Variants in PALM2AKAP2 observed in about 807,000 individuals in gnomAD.
The protein encoded by PALM2AKAP2 is PALM2 and AKAP2 fusion, also known as PALM2-AKAP2 fusion protein.
PALM2AKAP2 carries 37 observed loss-of-function variants against 71.5 expected under a neutral mutation model. The observed-to-expected ratio is 0.52, with a 90% CI of 0.40 to 0.68. The LOEUF is 0.68. PALM2AKAP2 is among the 30% of genes least tolerant of loss of function. The pLI, the probability that PALM2AKAP2 is intolerant of heterozygous loss-of-function variation, is 0.00. For synonymous variants in PALM2AKAP2, 468 were observed against 478.8 expected, an observed-to-expected ratio of 0.98 and a Z score of 0.29; for missense variants, 1,224 against 1,191.8, an observed-to-expected ratio of 1.03 and a Z score of -0.40.
At chr9:109,845,751 A>G (rs1198514402) in intron 1 of PALM2AKAP2, among the ~76,000 whole-genome samples, 1 of 152,148 alleles carries the variant, frequency 6.6e-6, no homozygotes, top group Admixed American at 6.6e-5. Context: ...GGGTCTTGCT[A>G]TGTTATCCAG....
At chr9:109,997,786 C>T (rs1005721464) in intron 6 of PALM2AKAP2, among the ~76,000 whole-genome samples, 2 of 152,138 alleles carry the variant, frequency 1.3e-5, no homozygotes, top group Non-Finnish European at 2.9e-5. Flanking sequence ...AGAGCCACCA[C>T]CTGGAGTGGG....
chr9:109,780,585 G>A (rs781448356), intron 1 of PALM2AKAP2, 52 bp downstream of exon 1: 34 of 1,611,424 alleles, frequency 2.1e-5, no homozygotes, highest in Non-Finnish European at 2.7e-5. Flanking sequence ...GGTGGAAGGG[G>A]GCCCCCGAGG....
intron 6 of PALM2AKAP2, among the ~76,000 whole-genome samples, chr9:109,982,323 A>G (rs976968648): frequency 2.9e-4 from 44 of 152,172 alleles, no homozygotes; most frequent in Non-Finnish European, 5.1e-4. Context: ...GGGAGGGGGA[A>G]GTGGGTATGG....
At chr9:110,018,520 G>A (rs1366694329) in intron 7 of PALM2AKAP2, among the ~76,000 whole-genome samples, 1 of 151,936 alleles carries the variant, frequency 6.6e-6, no homozygotes, top group East Asian at 1.9e-4. Context: ...TAGTAAAGAT[G>A]GGGTTTCACC....
intron 1 of PALM2AKAP2, among the ~76,000 whole-genome samples, chr9:109,673,160 G>A (rs1009799687): frequency 7.9e-5 from 12 of 151,946 alleles, no homozygotes; most frequent in South Asian, 6.2e-4. Flanking sequence ...TTTGGGATTC[G>A]TTTGCTCTTA....
chr9:109,943,682 T>C (rs966036895), intron 6 of PALM2AKAP2: 33 of 448,486 alleles, frequency 7.4e-5, no homozygotes, highest in Non-Finnish European at 1.2e-4. Context: ...AATCACTTCC[T>C]TCCTGCTCGA....
intron 7 of PALM2AKAP2, among the ~76,000 whole-genome samples, chr9:110,029,928 C>G (rs149971364): frequency 6.6e-6 from 1 of 152,310 alleles, no homozygotes; most frequent in East Asian, 1.9e-4. Context: ...AAGCCTTGTC[C>G]TTCTGCAACT....
At chr9:109,853,507 G>A (rs538488619) in intron 1 of PALM2AKAP2, among the ~76,000 whole-genome samples, 3 of 152,060 alleles carry the variant, frequency 2.0e-5, no homozygotes, top group Non-Finnish European at 4.4e-5. Flanking sequence ...CTGCATAATG[G>A]TGCAGATATA....
chr9:109,714,627 G>A lies in PALM2AKAP2; in HGVS notation c.6-65861G>A, dbSNP rs1828289023. Among the ~76,000 whole-genome samples, 3 of 152,188 alleles carry A rather than the reference G, an allele frequency of 2.0e-5. No individual in the cohort carries two copies. In the South Asian group the frequency reaches 6.2e-4, roughly 32 times the overall value. ...GGACTTGGATGAGCAGCTACTAGCT[G>A]ATCCAACAAAGATAATTAACACCGA... is the stretch of plus-strand genomic sequence containing the variant. On this transcript the variant is annotated intron_variant, in intron 1 of 6. Transcript: ENST00000374531.
At chr9:109,642,568 C>T (rs1017978147) in intron 1 of PALM2AKAP2, among the ~76,000 whole-genome samples, 1 of 151,064 alleles carries the variant, frequency 6.6e-6, no homozygotes, top group South Asian at 2.1e-4. Flanking sequence ...CCAAGCTATT[C>T]TTCATTTTAG....
intron 1 of PALM2AKAP2, among the ~76,000 whole-genome samples, chr9:109,740,297 A>G (rs979872141): frequency 7.9e-5 from 12 of 152,186 alleles, no homozygotes; most frequent in Admixed American, 6.5e-4. Flanking sequence ...AAAGGTATAA[A>G]TTTTTTATGT....
intron 1 of PALM2AKAP2, among the ~76,000 whole-genome samples, chr9:109,670,301 G>A (rs1015433620): frequency 6.6e-6 from 1 of 152,054 alleles, no homozygotes; most frequent in Non-Finnish European, 1.5e-5. Flanking sequence ...CCCAGTGCGT[G>A]TTGTTCCCCT....
intron 1 of PALM2AKAP2, among the ~76,000 whole-genome samples, chr9:109,720,913 G>T (rs970627471): frequency 6.6e-6 from 1 of 152,130 alleles, no homozygotes; most frequent in African/African-American, 2.4e-5. Context: ...AACAGGTTAC[G>T]TCCCTTCCCT....
chr9:109,675,035 A>G (rs2118500945), intron 1 of PALM2AKAP2, among the ~76,000 whole-genome samples: 1 of 152,202 alleles, frequency 6.6e-6, no homozygotes, highest in Non-Finnish European at 1.5e-5. Flanking sequence ...TTTGTGTTAG[A>G]TGATTTTGCC....
chr9:109,924,827 G>T (rs956054919), intron 4 of PALM2AKAP2, among the ~76,000 whole-genome samples: 18 of 152,134 alleles, frequency 1.2e-4, no homozygotes, highest in African/African-American at 3.4e-4. Context: ...AAGGATATTT[G>T]CTAGATCATT....
At chr9:109,908,033 C>T (rs1258663309) in intron 3 of PALM2AKAP2, among the ~76,000 whole-genome samples, 2 of 152,200 alleles carry the variant, frequency 1.3e-5, no homozygotes, top group South Asian at 2.1e-4. Flanking sequence ...TAGGGAAATC[C>T]ATGCTGTAGG....
intron 7 of PALM2AKAP2, among the ~76,000 whole-genome samples, chr9:110,024,645 G>A (rs1001712208): frequency 3.9e-5 from 6 of 152,058 alleles, no homozygotes; most frequent in African/African-American, 1.4e-4. Context: ...TTAGCTGGAT[G>A]TGGTGGCATG....
At chr9:109,688,742 G>A (rs935245251) in intron 1 of PALM2AKAP2, among the ~76,000 whole-genome samples, 3 of 152,178 alleles carry the variant, frequency 2.0e-5, no homozygotes, top group Non-Finnish European at 4.4e-5. Flanking sequence ...GAAAGTAGAT[G>A]CTAACAAATA....
intron 1 of PALM2AKAP2, among the ~76,000 whole-genome samples, chr9:109,754,629 G>T (rs934919428): frequency 7.0e-6 from 1 of 142,104 alleles, no homozygotes; most frequent in Non-Finnish European, 1.6e-5. Flanking sequence ...TCTCACAGTT[G>T]TGGAGGCTGG....
Sources: allele counts gnomAD v4.1 joint callset (sites outside exome capture counted in the v4.1 genomes callset), GRCh38; gene constraint gnomAD v4.1.1; transcripts MANE v1.5; gene names NCBI Gene and HGNC (gene_info 2026-07-23, HGNC 2026-07-21).